CCSER1: variants seen among roughly 807,000 people sequenced by gnomAD.
CCSER1 encodes serine-rich coiled-coil domain-containing protein 1.
A neutral mutation model predicts 82.0 loss-of-function variants in CCSER1; 41 were observed. That is an observed-to-expected ratio of 0.50 (90% confidence interval 0.39 to 0.65). The LOEUF (loss-of-function observed/expected upper bound fraction) is 0.65, where lower values mean the gene tolerates loss of function less well. Ranked by LOEUF, CCSER1 falls within the 30% of genes least tolerant of loss-of-function variation. The probability of loss-of-function intolerance (pLI) is 0.00; values close to 1 mark genes in which losing one functional copy is unlikely to be tolerated. For synonymous variants in CCSER1, 414 were observed against 383.9 expected (o/e 1.08, Z -0.92); for missense variants, 1,119 against 1,064.2 (o/e 1.05, Z -0.72).
intron 7 of CCSER1, among the ~76,000 whole-genome samples, chr4:90,797,098 G>A (rs1756143295): frequency 6.6e-6 from 1 of 152,020 alleles, no homozygotes; most frequent in Non-Finnish European, 1.5e-5. Context: ...AGTCTCCCAT[G>A]ATTATTATGT....
intron 9 of CCSER1, among the ~76,000 whole-genome samples, chr4:90,970,112 TA>T (rs1561432012): frequency 6.6e-6 from 1 of 151,878 alleles, no homozygotes; most frequent in Non-Finnish European, 1.5e-5. Flanking sequence ...CCTATATAAT[TA>T]TTGAAAATAT....
intron 8 of CCSER1, among the ~76,000 whole-genome samples, chr4:90,918,824 T>C (rs1314357421): frequency 2.0e-5 from 3 of 151,508 alleles, no homozygotes; most frequent in African/African-American, 7.3e-5. Context: ...ATTTTAACAG[T>C]TTAAATAGAA....
At chr4:90,149,690 T>C (rs1204285157) in intron 1 of CCSER1, among the ~76,000 whole-genome samples, 2 of 152,170 alleles carry the variant, frequency 1.3e-5, no homozygotes, top group African/African-American at 2.4e-5. Flanking sequence ...GATACTTCTT[T>C]AGGTAGTGTT....
At chr4:91,498,411 A>G (rs1759040176) in intron 10 of CCSER1, among the ~76,000 whole-genome samples, 1 of 151,546 alleles carries the variant, frequency 6.6e-6, no homozygotes, top group Non-Finnish European at 1.5e-5. Flanking sequence ...TGTGTAGTTG[A>G]TAGAAAATCA....
At chr4:91,212,483 C>T (rs568614087) in intron 10 of CCSER1, among the ~76,000 whole-genome samples, 2 of 152,142 alleles carry the variant, frequency 1.3e-5, no homozygotes, top group East Asian at 3.9e-4. Flanking sequence ...ATGCACTGTT[C>T]TCACTACTGA....
intron 10 of CCSER1, among the ~76,000 whole-genome samples, chr4:91,338,824 CT>C (rs1747500125): frequency 6.6e-6 from 1 of 151,960 alleles, no homozygotes. Flanking sequence ...ATAAAATTTC[CT>C]GGTGATGCCC....
At chr4:91,404,279 C>A (rs184331504) in intron 10 of CCSER1, among the ~76,000 whole-genome samples, 3 of 151,984 alleles carry the variant, frequency 2.0e-5, no homozygotes, top group Non-Finnish European at 4.4e-5. Flanking sequence ...TTTGATTCTT[C>A]TCTCTTTGCT....
At chr4:90,999,130 C>T (rs1364143258) in intron 9 of CCSER1, among the ~76,000 whole-genome samples, 4 of 152,096 alleles carry the variant, frequency 2.6e-5, no homozygotes, top group Non-Finnish European at 5.9e-5. Context: ...TCCAGGCCAT[C>T]GTTGTTGGAC....
rs114553550 is a variant in CCSER1, at chr4:90,329,308, A to G, written c.1509+16261A>G. On this transcript the variant is annotated intron_variant, in intron 3 of 10. Coordinates refer to ENST00000509176, the MANE Select transcript of CCSER1 (RefSeq NM_001145065.2). Reference sequence around the variant, plus strand: ...ATAATAATAATACTGCCCACCTCATACAGTTGTCATAGAATCAAATAATAT... The same window carrying G: ...ATAATAATAATACTGCCCACCTCATGCAGTTGTCATAGAATCAAATAATAT... Among the ~76,000 whole-genome samples, 556 of 152,274 alleles carry G rather than the reference A, an allele frequency of 3.7e-3. 6 individuals carry two copies. Among genetic ancestry groups the G allele is most frequent in the Middle Eastern group, 0.014 (4 of 294 alleles).
chr4:91,134,292 G>A (rs1365934997), intron 10 of CCSER1, among the ~76,000 whole-genome samples: 1 of 151,914 alleles, frequency 6.6e-6, no homozygotes, highest in Non-Finnish European at 1.5e-5. Flanking sequence ...AGCTACTTGG[G>A]AGGCTGAGGT....
At chr4:91,254,196 A>G (rs1355548578) in intron 10 of CCSER1, among the ~76,000 whole-genome samples, 2 of 152,212 alleles carry the variant, frequency 1.3e-5, no homozygotes, top group Non-Finnish European at 2.9e-5. Flanking sequence ...AATCAACACA[A>G]TAAACCAAAT....
chr4:91,286,726 T>G (rs1211550462), intron 10 of CCSER1, among the ~76,000 whole-genome samples: 1 of 151,836 alleles, frequency 6.6e-6, no homozygotes, highest in Non-Finnish European at 1.5e-5. Flanking sequence ...AGTTCCAAAT[T>G]ACAGAAGCAT....
At chr4:90,522,569 C>T (rs898705574) in intron 5 of CCSER1, among the ~76,000 whole-genome samples, 2 of 152,138 alleles carry the variant, frequency 1.3e-5, no homozygotes, top group African/African-American at 4.8e-5. Context: ...AAGTTTTTCC[C>T]TCTTTAGGAA....
At chr4:90,653,533 A>G (rs1436027292) in intron 6 of CCSER1, among the ~76,000 whole-genome samples, 1 of 152,164 alleles carries the variant, frequency 6.6e-6, no homozygotes, top group Admixed American at 6.5e-5. Flanking sequence ...CAGTATTTAT[A>G]TTAATAATAT....
chr4:90,399,994 C>CATTTACATATG, intron 3 of CCSER1, 42 bp from the exon 4 acceptor site: 1 of 1,094,960 alleles, frequency 9.1e-7, no homozygotes, highest in Non-Finnish European at 1.4e-6. Context: ...CTCATTTACT[C>CATTTACATATG]AGTGTTTTGG....
intron 10 of CCSER1, among the ~76,000 whole-genome samples, chr4:91,195,009 A>G (rs931391691): frequency 1.3e-5 from 2 of 152,252 alleles, no homozygotes; most frequent in South Asian, 4.1e-4. Flanking sequence ...ATCCTGAAGA[A>G]GCTATATTTA....
chr4:91,030,381 G>A (rs1333036881), intron 9 of CCSER1, among the ~76,000 whole-genome samples: 1 of 152,112 alleles, frequency 6.6e-6, no homozygotes, highest in East Asian at 1.9e-4. Context: ...CACTTGAAAT[G>A]TGAATATTGT....
chr4:91,604,679 A>ATACT lies in CCSER1; in HGVS notation c.*5625_*5628dup, dbSNP rs1764905835. ...AATTCCTGTTTGTATTGCCTTATAC[A>ATACT]TACTTAAAAAACAAGATATTTACAA... On this transcript the variant is annotated 3_prime_UTR_variant, in exon 11 of 11. Transcript: ENST00000509176. The ATACT allele has an allele frequency of 6.6e-6, 1 of 152,222 alleles. No individual in the cohort carries two copies. The highest frequency in any genetic ancestry group is 1.9e-4 in the East Asian group (1 of 5,190). The allele number at this position is 152,222 out of a possible 1,614,324, so 9.4% of individuals were successfully genotyped here.
chr4:91,273,351 T>G (rs72877053), intron 10 of CCSER1, among the ~76,000 whole-genome samples: 5,901 of 152,212 alleles, frequency 0.039, 365 homozygotes, highest in African/African-American at 0.13. Context: ...TTGTTTGTTT[T>G]TTTGTTTTTT....
Sources: allele counts gnomAD v4.1 joint callset (sites outside exome capture counted in the v4.1 genomes callset), GRCh38; gene constraint gnomAD v4.1.1; transcripts MANE v1.5; gene names NCBI Gene and HGNC (gene_info 2026-07-23, HGNC 2026-07-21).